The following ANKRD46 variants were observed in gnomAD, a reference collection of about 807,000 sequenced individuals.
The protein encoded by ANKRD46 is ankyrin repeat domain 46.
ANKRD46 carries 13 observed loss-of-function variants against 19.8 expected under a neutral mutation model. That is an observed-to-expected ratio of 0.66 (90% CI 0.43 to 1.04). The LOEUF (loss-of-function observed/expected upper bound fraction) is 1.04. Ranked by LOEUF, ANKRD46 falls within the 50% of genes least tolerant of loss-of-function variation. The pLI, the probability that ANKRD46 is intolerant of heterozygous loss-of-function variation, is 0.00. For missense variants in ANKRD46, 185 were observed against 274.8 expected (o/e 0.67, Z 2.31); for synonymous variants, 91 against 106.9 (o/e 0.85, Z 0.92).
At chr8:100,512,027 A>G (rs1425657640) in intron 5 of ANKRD46, among the ~76,000 whole-genome samples, 1 of 152,254 alleles carries the variant, frequency 6.6e-6, no homozygotes, top group Non-Finnish European at 1.5e-5. Flanking sequence ...TCCATCTTAA[A>G]CAAACGAACA....
downstream of ANKRD46, among the ~76,000 whole-genome samples, chr8:100,518,880 AT>A (rs1811678122): frequency 6.6e-6 from 1 of 152,262 alleles, no homozygotes; most frequent in East Asian, 1.9e-4. Context: ...AAATAAAAAA[AT>A]AAAACTATAC....
At chr8:100,548,244 C>T (rs1413500330) in intron 1 of ANKRD46, among the ~76,000 whole-genome samples, 2 of 152,114 alleles carry the variant, frequency 1.3e-5, no homozygotes, top group Non-Finnish European at 2.9e-5. Context: ...GGCTACAAAG[C>T]CCTGATAATT....
intron 3 of ANKRD46, among the ~76,000 whole-genome samples, chr8:100,528,509 T>C (rs1454925656): frequency 6.7e-6 from 1 of 150,206 alleles, no homozygotes; most frequent in East Asian, 1.9e-4. Context: ...GAATTAACCC[T>C]TGTTTTTCTT....
chr8:100,531,676 C>T (rs1440199029), intron 2 of ANKRD46, among the ~76,000 whole-genome samples: 1 of 152,072 alleles, frequency 6.6e-6, no homozygotes, highest in Non-Finnish European at 1.5e-5. Flanking sequence ...CAGGTTCTTG[C>T]TCTGTCACCC....
Position 100,532,695 on chromosome 8 carries a change from CA to C in ANKRD46, c.-28+513del, listed in dbSNP as rs377491118. Among the ~76,000 whole-genome samples, 3 of 151,554 alleles carry C rather than the reference CA, an allele frequency of 2.0e-5. No individual in the cohort carries two copies. The highest frequency in any genetic ancestry group is 3.9e-4 in the East Asian group (2 of 5,194). ...ATAGCTGATAAGCTTTAAAAAATTG[CA>C]AAAAAAATCTCAGAATGTTTTTTAA... On this transcript the variant is annotated intron_variant, in intron 2 of 4. Coordinates refer to ENST00000335659, the MANE Select transcript of ANKRD46 (RefSeq NM_001270377.2). This position sits in a 1 kb window ranked among gnomAD's most constrained non-coding sequence, Gnocchi z 4.7.
At position 100,545,087 on chromosome 8, in the gene ANKRD46, G is replaced by A. The variant is rs566318187; in HGVS notation, c.-130-11776C>T. On this transcript the variant is annotated intron_variant, in intron 1 of 4. Transcript: ENST00000335659. The surrounding 1 kb of genome is among the most constrained non-coding windows in gnomAD (Gnocchi z 4.7). ...TGCCTGAAATCCCAGCACTTTTGGA[G>A]GCAGAGGTGGGAGAATTGCTTGAGC... is the stretch of plus-strand genomic sequence containing the variant. Among the ~76,000 whole-genome samples the A allele has an allele frequency of 1.4e-4, 22 of 152,306 alleles. 1 individual carries two copies. Among genetic ancestry groups the A allele is most frequent in the African/African-American group, 5.3e-4 (22 of 41,558 alleles).
At chr8:100,526,636 T>C (rs996939583) in intron 4 of ANKRD46, among the ~76,000 whole-genome samples, 3 of 152,198 alleles carry the variant, frequency 2.0e-5, no homozygotes, top group African/African-American at 4.8e-5. Context: ...TGGATTTCTT[T>C]AGGACTGTAT....
Position 100,536,367 on chromosome 8 carries a change from T to A in ANKRD46, c.-130-3056A>T, listed in dbSNP as rs182583155. ...ATAGAGAGACAATTTTCTTGTCAGA[T>A]GCTGTTAAAAAAACTTGATTACTCC... On this transcript the variant is annotated intron_variant, in intron 1 of 4. Transcript: ENST00000335659. This position sits in a 1 kb window ranked among gnomAD's most constrained non-coding sequence, Gnocchi z 4.9. Among the ~76,000 whole-genome samples, 2 of 152,254 alleles carry A rather than the reference T, an allele frequency of 1.3e-5. No individual in the cohort carries two copies. Among genetic ancestry groups the A allele is most frequent in the Admixed American group, 1.3e-4 (2 of 15,292 alleles).
intron 4 of ANKRD46, among the ~76,000 whole-genome samples, chr8:100,526,688 G>C (rs1225179480): frequency 1.3e-5 from 2 of 152,126 alleles, no homozygotes; most frequent in Non-Finnish European, 2.9e-5. Flanking sequence ...ACCTAAGCTT[G>C]AGAGTGGAAT....
At chr8:100,515,122 CA>C (rs373954055) in intron 5 of ANKRD46, among the ~76,000 whole-genome samples, 4 of 152,104 alleles carry the variant, frequency 2.6e-5, no homozygotes, top group Middle Eastern at 3.4e-3. Context: ...TAAATGCCAT[CA>C]AAAAAGGCAT....
Position 100,510,484 on chromosome 8 carries a change from A to G in ANKRD46, c.*93T>C. On this transcript the variant is annotated 3_prime_UTR_variant, in exon 6 of 6. Coordinates refer to the ANKRD46 transcript ENST00000520552. This position sits in a 1 kb window ranked among gnomAD's most constrained non-coding sequence, Gnocchi z 4.9. ...ATGATGCTCCATGACACAAGTCGTG[A>G]CGGAAACAGCCCCACCCAACAGGGA... The G allele has an allele frequency of 6.4e-6, 8 of 1,249,480 alleles. No individual in the cohort carries two copies. The highest frequency in any genetic ancestry group is 8.8e-6 in the Non-Finnish European group (8 of 909,716). 77.4% of individuals were successfully genotyped at this position (1,249,480 alleles called of 1,614,324 possible).
Position 100,522,329 on chromosome 8 carries a change from A to T in ANKRD46, c.*226T>A. 2.2e-6 allele frequency: 3 copies of T among 1,353,690 alleles called. No homozygotes were observed. In the South Asian group the frequency reaches 5.2e-5, roughly 23 times the overall value. 83.9% of individuals were successfully genotyped at this position (1,353,690 alleles called of 1,614,324 possible). A position where few individuals can be genotyped will look rare whatever the true frequency, so the allele number is the denominator to read the frequency against. On this transcript the variant is annotated 3_prime_UTR_variant, in exon 5 of 5. Transcript: ENST00000335659. ...AGGCTACGTGTAGGCTTTCCTACAA[A>T]GTCAGGTTGAGTCAGAGGTAGCGTT... is the stretch of plus-strand genomic sequence containing the variant.
rs918567468 is a variant in ANKRD46, at chr8:100,543,353, T to C, written c.-130-10042A>G. ...CCATTTAATATTTTGCGATTTGTTC[T>C]ATAACAAATACTAAGGAAACTGGGA... On this transcript the variant is annotated intron_variant, in intron 1 of 4. Transcript: ENST00000335659. The surrounding 1 kb of genome is among the most constrained non-coding windows in gnomAD (Gnocchi z 4.2). 3.9e-5 allele frequency among the ~76,000 whole-genome samples: 6 copies of C among 152,254 alleles called. No individual in the cohort carries two copies. Among genetic ancestry groups the C allele is most frequent in the African/African-American group, 1.4e-4 (6 of 41,470 alleles).
In ANKRD46 at chr8:100,527,332, C is replaced by T. The variant is rs1811860928; in HGVS notation, c.470+513G>A. Among the ~76,000 whole-genome samples, 1 of 152,224 alleles carries T rather than the reference C, an allele frequency of 6.6e-6. No individual in the cohort carries two copies. Among genetic ancestry groups the T allele is most frequent in the East Asian group, 1.9e-4 (1 of 5,198 alleles). Reference sequence around the variant, plus strand: ...CCTCTCTTGTTTTCTTGTTTCTCAGCATTCCACTTCCCTACCCTTGAAACT... The same window carrying T: ...CCTCTCTTGTTTTCTTGTTTCTCAGTATTCCACTTCCCTACCCTTGAAACT... On this transcript the variant is annotated intron_variant, in intron 4 of 4. Transcript: ENST00000335659. This position sits in a 1 kb window ranked among gnomAD's most constrained non-coding sequence, Gnocchi z 4.0.
At position 100,543,452 on chromosome 8, in the gene ANKRD46, A is replaced by G. The variant is rs1019968917; in HGVS notation, c.-130-10141T>C. ...TGTAGATAGGAGCAGGACACAATAT[A>G]AAACTGTTAAGAACTTGTTTTTAAA... On this transcript the variant is annotated intron_variant, in intron 1 of 4. Transcript: ENST00000335659. This position sits in a 1 kb window ranked among gnomAD's most constrained non-coding sequence, Gnocchi z 4.2. Among the ~76,000 whole-genome samples, 4 of 152,234 alleles carry G rather than the reference A, an allele frequency of 2.6e-5. No homozygotes were observed. Among genetic ancestry groups the G allele is most frequent in the African/African-American group, 4.8e-5 (2 of 41,468 alleles).
rs1812092148 is a variant in ANKRD46, at chr8:100,537,709, G to T, written c.-130-4398C>A. Among the ~76,000 whole-genome samples the T allele has an allele frequency of 6.6e-6, 1 of 152,192 alleles. No individual in the cohort carries two copies. The highest frequency in any genetic ancestry group is 2.4e-5 in the African/African-American group (1 of 41,450). On this transcript the variant is annotated intron_variant, in intron 1 of 4. Coordinates refer to ENST00000335659, the MANE Select transcript of ANKRD46 (RefSeq NM_001270377.2). This position sits in a 1 kb window ranked among gnomAD's most constrained non-coding sequence, Gnocchi z 4.2. ...CCATGTTGAAAAGAAATTTAGCTGT[G>T]AGCAAGTAAGAATTTTAACAATTTA...
intron 2 of ANKRD46, among the ~76,000 whole-genome samples, chr8:100,530,860 A>AG (rs1022535769): frequency 1.3e-5 from 2 of 152,158 alleles, no homozygotes; most frequent in African/African-American, 4.8e-5. Context: ...CTGAGAGATG[A>AG]GGGGAAAAAA....
chr8:100,547,945 A>C (rs1363781217), intron 1 of ANKRD46, among the ~76,000 whole-genome samples: 1 of 152,092 alleles, frequency 6.6e-6, no homozygotes, highest in Non-Finnish European at 1.5e-5. Context: ...CCTCTACCCC[A>C]GTCAATCTCA....
intron 1 of ANKRD46, among the ~76,000 whole-genome samples, chr8:100,539,357 T>C (rs1812129236): frequency 6.6e-6 from 1 of 152,266 alleles, no homozygotes; most frequent in African/African-American, 2.4e-5. Context: ...GCTCTCTTTC[T>C]GTGGGAAGTA....
Sources: allele counts gnomAD v4.1 joint callset (sites outside exome capture counted in the v4.1 genomes callset), GRCh38; gene constraint gnomAD v4.1.1; non-coding constraint Gnocchi (gnomAD v3.1); transcripts MANE v1.5; gene names NCBI Gene and HGNC (gene_info 2026-07-23, HGNC 2026-07-21).